Variants in TACR3 observed in about 807,000 individuals in gnomAD.
TACR3 encodes the protein neuromedin-K receptor.
In TACR3, 34 loss-of-function variants were observed where a neutral mutation model predicts 35.0. The observed-to-expected ratio is 0.97, with a 90% CI of 0.74 to 1.30. The LOEUF (loss-of-function observed/expected upper bound fraction) is 1.30. Among genes scored for constraint, TACR3 ranks in the 50% most tolerant of loss-of-function variants. The pLI is 0.00. For synonymous variants in TACR3, 233 were observed against 221.1 expected, an observed-to-expected ratio of 1.05 and a Z score of -0.48; for missense variants, 558 against 591.7, an observed-to-expected ratio of 0.94 and a Z score of 0.59.
At chr4:103,678,011 C>T (rs1372981613) in intron 1 of TACR3, among the ~76,000 whole-genome samples, 2 of 151,816 alleles carry the variant, frequency 1.3e-5, no homozygotes, top group Admixed American at 6.6e-5. Context: ...TCAACAGAAA[C>T]CTGTTTCATC....
chr4:103,589,340 A>G lies in TACR3; in HGVS notation c.*342T>C. 1 of 200,856 alleles carries G rather than the reference A, an allele frequency of 5.0e-6. No individual in the cohort carries two copies. The highest frequency in any genetic ancestry group is 1.0e-5 in the Non-Finnish European group (1 of 96,304). 12.4% of individuals were successfully genotyped at this position (200,856 alleles called of 1,614,324 possible). On this transcript the variant is annotated 3_prime_UTR_variant, in exon 5 of 5. Transcript: ENST00000304883. ...AAAGATTCTTTAATCTCTTGGAAAA[A>G]CTATATATCATTTTAATGTCACAAA...
At chr4:103,666,839 C>T (rs1725946677) in intron 1 of TACR3, among the ~76,000 whole-genome samples, 1 of 152,184 alleles carries the variant, frequency 6.6e-6, no homozygotes, top group Non-Finnish European at 1.5e-5. Flanking sequence ...CTAAATCACT[C>T]TTTTGAAGTC....
intron 1 of TACR3, among the ~76,000 whole-genome samples, chr4:103,665,066 G>A (rs2110333679): frequency 6.6e-6 from 1 of 151,776 alleles, no homozygotes; most frequent in East Asian, 1.9e-4. Flanking sequence ...GTCCACCTTG[G>A]CCTCCCAAAG....
At chr4:103,710,221 G>C (rs1384097711) in intron 1 of TACR3, among the ~76,000 whole-genome samples, 1 of 152,212 alleles carries the variant, frequency 6.6e-6, no homozygotes, top group East Asian at 1.9e-4. Flanking sequence ...TCAGCACCAC[G>C]TTGCACTTAT....
intron 1 of TACR3, among the ~76,000 whole-genome samples, chr4:103,709,395 C>A (rs1018625996): frequency 6.6e-6 from 1 of 152,110 alleles, no homozygotes; most frequent in Non-Finnish European, 1.5e-5. Flanking sequence ...AATTTCATAT[C>A]CAGCCAAACT....
At chr4:103,657,068 A>G (rs1429643723) in intron 2 of TACR3, among the ~76,000 whole-genome samples, 2 of 152,132 alleles carry the variant, frequency 1.3e-5, no homozygotes, top group East Asian at 3.9e-4. Flanking sequence ...CAAAATTATA[A>G]GAATTCAATT....
At chr4:103,694,112 C>A (rs1309055056) in intron 1 of TACR3, among the ~76,000 whole-genome samples, 1 of 151,964 alleles carries the variant, frequency 6.6e-6, no homozygotes, top group African/African-American at 2.4e-5. Context: ...AGACTTGAAG[C>A]AAATTTCAGA....
chr4:103,596,002 T>C (rs1476026943), intron 3 of TACR3, among the ~76,000 whole-genome samples: 1 of 150,684 alleles, frequency 6.6e-6, no homozygotes, highest in African/African-American at 2.4e-5. Context: ...TATGTGGTGT[T>C]TGGTTTTTTG....
chr4:103,676,749 C>T (rs951450202), intron 1 of TACR3, among the ~76,000 whole-genome samples: 1 of 152,000 alleles, frequency 6.6e-6, no homozygotes, highest in Admixed American at 6.6e-5. Context: ...TGCAAAACCC[C>T]ATAAAAACCC....
chr4:103,627,759 T>G (rs1724938431), intron 3 of TACR3, among the ~76,000 whole-genome samples: 1 of 152,052 alleles, frequency 6.6e-6, no homozygotes, highest in Admixed American at 6.6e-5. Flanking sequence ...AACAAGGATA[T>G]CCAGGACTTG....
intron 1 of TACR3, among the ~76,000 whole-genome samples, chr4:103,663,606 G>A (rs1020879939): frequency 1.3e-5 from 2 of 152,178 alleles, no homozygotes; most frequent in Admixed American, 6.5e-5. Context: ...CATTACCACT[G>A]GAGGTTGAAT....
At chr4:103,632,473 G>C (rs1472463469) in intron 3 of TACR3, among the ~76,000 whole-genome samples, 1 of 151,502 alleles carries the variant, frequency 6.6e-6, no homozygotes, top group Non-Finnish European at 1.5e-5. Flanking sequence ...TCACTTATAA[G>C]AGAGAGTTGA....
intron 3 of TACR3, among the ~76,000 whole-genome samples, chr4:103,620,665 T>A (rs957671874): frequency 1.3e-5 from 2 of 152,128 alleles, no homozygotes; most frequent in African/African-American, 4.8e-5. Context: ...AAATACCACA[T>A]GTTCTTGCAT....
chr4:103,618,714 C>T (rs922167495), intron 3 of TACR3, among the ~76,000 whole-genome samples: 1 of 151,726 alleles, frequency 6.6e-6, no homozygotes, highest in Non-Finnish European at 1.5e-5. Context: ...ATATTGAATT[C>T]CTCCAATCCA....
rs1313717708 is a variant in TACR3 at position 103,658,555 on chromosome 4, T to C, written c.549-152A>G. The C allele has an allele frequency of 3.8e-5, 26 of 690,438 alleles. No homozygotes were observed. The Admixed American group carries it at 5.9e-4, about 16-fold the overall frequency. The allele number at this position is 690,438 out of a possible 1,614,324, so 42.8% of individuals were successfully genotyped here. The stretch of plus-strand genomic sequence containing the variant: ...AAGGACTGCTTGAGTAGAGGCAGCG[T>C]AGAATGGTAATCATGGCATAGTCTA... On this transcript the variant is annotated intron_variant, in intron 1 of 4. Transcript: ENST00000304883.
intron 1 of TACR3, among the ~76,000 whole-genome samples, chr4:103,717,241 ACTGT>A (rs1174465639): frequency 1.3e-5 from 2 of 152,052 alleles, no homozygotes; most frequent in African/African-American, 4.8e-5. Flanking sequence ...TTTTTAATCA[ACTGT>A]CTGCTCAAAT....
intron 3 of TACR3, among the ~76,000 whole-genome samples, chr4:103,629,861 C>T (rs7440554): frequency 4.1e-5 from 4 of 98,520 alleles, no homozygotes; most frequent in Non-Finnish European, 8.3e-5. Flanking sequence ...AAAAAAAAAA[C>T]AAAAAAAAAA....
chr4:103,703,002 G>A (rs1030665306), intron 1 of TACR3, among the ~76,000 whole-genome samples: 4 of 151,912 alleles, frequency 2.6e-5, no homozygotes, highest in African/African-American at 4.8e-5. Flanking sequence ...GTATACATAT[G>A]TAACAAACCT....
intron 1 of TACR3, among the ~76,000 whole-genome samples, chr4:103,663,138 A>G (rs781695733): frequency 3.1e-4 from 47 of 152,304 alleles, no homozygotes; most frequent in Middle Eastern, 3.4e-3. Flanking sequence ...GAGAAGTAGA[A>G]TAATCAGATT....
Sources: allele counts gnomAD v4.1 joint callset (sites outside exome capture counted in the v4.1 genomes callset), GRCh38; gene constraint gnomAD v4.1.1; transcripts MANE v1.5; gene names NCBI Gene and HGNC (gene_info 2026-07-23, HGNC 2026-07-21).